The following PSD3 variants were observed in gnomAD, a reference collection of about 807,000 sequenced individuals.
PSD3 encodes the protein pleckstrin and Sec7 domain containing 3.
In PSD3, 49 loss-of-function variants were observed where a neutral mutation model predicts 105.5. The ratio of observed to expected loss-of-function variants is 0.46; its 90% CI spans 0.37 to 0.59. The LOEUF is 0.59. Ranked by LOEUF, PSD3 falls within the 20% of genes least tolerant of loss-of-function variation. The pLI is 0.00. For missense variants in PSD3, 1,561 were observed against 1,263.8 expected (o/e 1.24, Z -3.57); for synonymous variants, 557 against 457.8 (o/e 1.22, Z -2.77).
intron 11 of PSD3, among the ~76,000 whole-genome samples, chr8:18,623,017 C>T (rs1197243367): frequency 3.9e-5 from 6 of 152,210 alleles, no homozygotes; most frequent in South Asian, 2.1e-4. Context: ...ATAATGATGG[C>T]GATCACAAAG....
At chr8:18,779,301 T>C (rs1173093041) in intron 8 of PSD3, among the ~76,000 whole-genome samples, 1 of 152,116 alleles carries the variant, frequency 6.6e-6, no homozygotes, top group African/African-American at 2.4e-5. Context: ...TACTGTCTCC[T>C]TTTTTGGTTG....
intron 1 of PSD3, among the ~76,000 whole-genome samples, chr8:19,070,172 T>C (rs1382898755): frequency 6.6e-6 from 1 of 152,078 alleles, no homozygotes; most frequent in Non-Finnish European, 1.5e-5. Flanking sequence ...TGAATTGTTA[T>C]GGCTACGAGA....
chr8:18,990,884 A>AATAACTC (rs1482272202), intron 1 of PSD3, among the ~76,000 whole-genome samples: 2 of 152,130 alleles, frequency 1.3e-5, no homozygotes, highest in Non-Finnish European at 2.9e-5. Flanking sequence ...AGTTTTGCCA[A>AATAACTC]AGTGCTTTCA....
In PSD3 at chr8:18,652,493, G is replaced by GTTTTTTTTTTTTTTTTTT. The variant is rs67555804; in HGVS notation, c.2216+3131_2216+3148dup. Among the ~76,000 whole-genome samples, 9 of 92,596 alleles carry GTTTTTTTTTTTTTTTTTT rather than the reference G, an allele frequency of 9.7e-5. 1 individual carries two copies. The highest frequency in any genetic ancestry group is 3.3e-4 in the East Asian group (1 of 3,000). 60.7% of individuals were successfully genotyped at this position (92,596 alleles called of 152,430 possible). A position where few individuals can be genotyped will look rare whatever the true frequency, so the allele number is the denominator to read the frequency against. On this transcript the variant is annotated intron_variant, in intron 10 of 15. Transcript: ENST00000327040. ...ACACTTTTATCAAGGAAAAAGCTTAGTTTTTTTTTTTTTTTTTTTTTTGAG... is the reference window on the plus strand; with the variant it reads ...ACACTTTTATCAAGGAAAAAGCTTAGTTTTTTTTTTTTTTTTTTTTTTTTTTTTTTTTTTTTTTTTGAG...
At chr8:19,082,698 A>G (rs897786994) in intron 1 of PSD3, among the ~76,000 whole-genome samples, 2 of 152,114 alleles carry the variant, frequency 1.3e-5, no homozygotes, top group African/African-American at 4.8e-5. Flanking sequence ...GCGGGAGGGG[A>G]GAGTGGGAAA....
intron 10 of PSD3, among the ~76,000 whole-genome samples, chr8:18,654,487 G>A (rs1009392125): frequency 2.6e-5 from 4 of 152,016 alleles, no homozygotes; most frequent in African/African-American, 9.7e-5. Context: ...TAATTTCCTG[G>A]TAATGTGATT....
At chr8:18,560,211 A>ACACAC (rs1563322125) in intron 14 of PSD3, among the ~76,000 whole-genome samples, 9 of 130,430 alleles carry the variant, frequency 6.9e-5, no homozygotes, top group African/African-American at 2.1e-4. Context: ...CACACACACA[A>ACACAC]ACAAAAAAAC....
At chr8:19,048,542 C>A (rs1259141763) in intron 1 of PSD3, among the ~76,000 whole-genome samples, 3 of 88,942 alleles carry the variant, frequency 3.4e-5, no homozygotes, top group Non-Finnish European at 6.4e-5. Flanking sequence ...GCTTGTATAT[C>A]CGTGGAAAAG....
chr8:18,665,616 C>T (rs1447531059), intron 9 of PSD3, among the ~76,000 whole-genome samples: 1 of 152,246 alleles, frequency 6.6e-6, no homozygotes, highest in Non-Finnish European at 1.5e-5. Flanking sequence ...GGAATGACTG[C>T]ATTTCTGAAT....
intron 15 of PSD3, among the ~76,000 whole-genome samples, chr8:18,551,978 A>G (rs1257067414): frequency 2.0e-5 from 3 of 152,220 alleles, no homozygotes; most frequent in Non-Finnish European, 4.4e-5. Flanking sequence ...ATCAGATGTG[A>G]TATATTAATA....
At chr8:18,576,169 CA>C (rs1439673497) in intron 12 of PSD3, among the ~76,000 whole-genome samples, 1 of 152,048 alleles carries the variant, frequency 6.6e-6, no homozygotes, top group Non-Finnish European at 1.5e-5. Context: ...TTATCCCCTC[CA>C]AAAACCAAGC....
chr8:19,039,691 A>T (rs1268195021), intron 1 of PSD3, among the ~76,000 whole-genome samples: 5 of 152,214 alleles, frequency 3.3e-5, no homozygotes, highest in African/African-American at 1.2e-4. Context: ...GAAGTCTTAC[A>T]TTCATCTCTC....
chr8:18,836,119 G>A (rs1004375849), intron 4 of PSD3, among the ~76,000 whole-genome samples: 6 of 152,300 alleles, frequency 3.9e-5, no homozygotes, highest in Non-Finnish European at 8.8e-5. Flanking sequence ...GAATACTGGA[G>A]ACCTAGCGAA....
At chr8:18,710,569 A>C (rs1802192307) in intron 9 of PSD3, among the ~76,000 whole-genome samples, 1 of 152,134 alleles carries the variant, frequency 6.6e-6, no homozygotes, top group African/African-American at 2.4e-5. Flanking sequence ...TAAAAGAAAA[A>C]ATCTTAAAGG....
chr8:19,004,009 C>T (rs1309998410), intron 1 of PSD3, among the ~76,000 whole-genome samples: 1 of 152,012 alleles, frequency 6.6e-6, no homozygotes, highest in Non-Finnish European at 1.5e-5. Context: ...CCTTCAGAAC[C>T]ACTGTACCAG....
At chr8:18,865,269 TA>T (rs1563360499) in intron 4 of PSD3, 41 of 5,058 alleles carry the variant, frequency 8.1e-3, no homozygotes, top group Non-Finnish European at 0.012. Context: ...TATATATATA[TA>T]TATATATATA....
chr8:18,748,547 C>A (rs1037172255), intron 9 of PSD3, among the ~76,000 whole-genome samples: 4 of 151,098 alleles, frequency 2.6e-5, no homozygotes, highest in African/African-American at 9.7e-5. Context: ...GTAGTCCCAG[C>A]TACTCAGGAG....
intron 10 of PSD3, among the ~76,000 whole-genome samples, chr8:18,642,186 C>A (rs1207797822): frequency 6.6e-6 from 1 of 152,008 alleles, no homozygotes; most frequent in Non-Finnish European, 1.5e-5. Context: ...ACAAACTTAA[C>A]CAATGGTTAA....
chr8:19,067,066 G>A (rs1829097505), intron 1 of PSD3, among the ~76,000 whole-genome samples: 1 of 152,166 alleles, frequency 6.6e-6, no homozygotes, highest in African/African-American at 2.4e-5. Flanking sequence ...TATTAAATGA[G>A]TGAAAGCTAT....
Sources: gnomAD v4.1 joint callset for allele counts (sites outside exome capture counted in the v4.1 genomes callset) on GRCh38, gnomAD v4.1.1 for gene constraint, MANE v1.5 for transcripts, NCBI Gene and HGNC (gene_info 2026-07-23, HGNC 2026-07-21) for gene names.